Variants in MYH9 observed in about 807,000 individuals in gnomAD.
The protein encoded by MYH9 is myosin heavy chain 9.
Under a neutral mutation model 241.9 loss-of-function variants are expected in MYH9, and 29 were observed. The observed-to-expected ratio is 0.12, with a 90% confidence interval of 0.09 to 0.16. MYH9 has a LOEUF of 0.16. MYH9 is among the 10% of genes least tolerant of loss of function. MYH9 has a pLI of 1.00. For missense variants in MYH9, 1,803 were observed against 2,595.5 expected, an observed-to-expected ratio of 0.69 and a Z score of 6.63; for synonymous variants, 1,047 against 1,062.6, an observed-to-expected ratio of 0.99 and a Z score of 0.29.
intron 1 of MYH9, among the ~76,000 whole-genome samples, chr22:36,383,739 C>T (rs1328991959): frequency 6.6e-6 from 1 of 151,134 alleles, no homozygotes; most frequent in East Asian, 1.9e-4. Context: ...GGGTAGATCA[C>T]CTGAGGTCAG....
chr22:36,378,652 C>T (rs975997851), intron 1 of MYH9, among the ~76,000 whole-genome samples: 3 of 152,092 alleles, frequency 2.0e-5, no homozygotes, highest in Non-Finnish European at 4.4e-5. Context: ...CAAGTGGTCA[C>T]GTCCAGCTGG....
At chr22:36,351,267 G>A (rs920960934) in intron 1 of MYH9, among the ~76,000 whole-genome samples, 3 of 152,176 alleles carry the variant, frequency 2.0e-5, no homozygotes, top group Admixed American at 2.0e-4. Context: ...TTCCCCGGCC[G>A]GTGGCTCTGT....
chr22:36,332,488 T>A (rs573808070), intron 3 of MYH9, among the ~76,000 whole-genome samples: 4 of 151,816 alleles, frequency 2.6e-5, no homozygotes, highest in African/African-American at 9.7e-5. Flanking sequence ...CCAAGGGACA[T>A]GCCTGCTCAG....
At chr22:36,336,797 A>G (rs2017507016) in intron 3 of MYH9, among the ~76,000 whole-genome samples, 1 of 152,254 alleles carries the variant, frequency 6.6e-6, no homozygotes, top group Admixed American at 6.5e-5. Flanking sequence ...GTGCTGGCGC[A>G]GGTGTAGGCA....
At chr22:36,334,611 T>C (rs896078812) in intron 3 of MYH9, among the ~76,000 whole-genome samples, 12 of 152,150 alleles carry the variant, frequency 7.9e-5, no homozygotes, top group African/African-American at 2.9e-4. Flanking sequence ...GAGATTCAAA[T>C]GGCTGCCTGG....
chr22:36,282,339 G>C lies in MYH9; in HGVS notation c.*329C>G. 2.1e-6 allele frequency: 1 copy of C among 480,876 alleles called. No homozygotes were observed. Among genetic ancestry groups the C allele is most frequent in the Non-Finnish European group, 3.8e-6 (1 of 265,296 alleles). The allele number at this position is 480,876 out of a possible 1,614,324, so 29.8% of individuals were successfully genotyped here. A position where few individuals can be genotyped will look rare whatever the true frequency, so the allele number is the denominator to read the frequency against. Reference sequence around the variant, plus strand: ...TCATAGAAAACTCTGGCCCCTCCCCGGGGGCCTGCCCTGCTCGCCTCAACA... The same window carrying C: ...TCATAGAAAACTCTGGCCCCTCCCCCGGGGCCTGCCCTGCTCGCCTCAACA... On this transcript the variant is annotated 3_prime_UTR_variant, in exon 41 of 41. Transcript: ENST00000216181.
At position 36,284,441 on chromosome 22, in the gene MYH9, C is replaced by T. The variant is rs2016545150; in HGVS notation, c.5554G>A (p.Asp1852Asn). ...TGCTCGGCGTTCCTCCGCTCGTCAT[C>T]CACCTGCAGCAGCACATCCTTCAGC... ...KKLKDVLLQV[D>N]DERRNAEQYK... Residue 1852 changes from aspartate (D) to asparagine (N), a missense_variant, in exon 39 of 41, where the codon GAT becomes AAT. By Grantham distance (23) the Asp-to-Asn change is conservative. Transcript: ENST00000216181. 1.2e-6 allele frequency: 2 copies of T among 1,613,370 alleles called. No individual in the cohort carries two copies. The highest frequency in any genetic ancestry group is 1.7e-5 in the Admixed American group (1 of 60,016).
rs762338005 is a variant in MYH9, at chr22:36,312,139, C to T, written c.1638G>A (p.Val546=). 1.2e-6 allele frequency: 2 copies of T among 1,614,080 alleles called. No homozygotes were observed. Among genetic ancestry groups the T allele is most frequent in the Non-Finnish European group, 1.7e-6 (2 of 1,180,036 alleles). The change falls in exon 14 of 41, where the codon GTG becomes GTA. Residue 546 remains valine, a synonymous_variant. Transcript: ENST00000216181. The stretch of plus-strand genomic sequence containing the variant: ...TGGGGTGGGTGCCCTGCTCCTGCAT[C>T]ACCTTCTCCACGAAGCTCTTGTCGG... ...KATDKSFVEK[V]MQEQGTHPKF...
At chr22:36,339,160 G>C (rs1427317116) in intron 3 of MYH9, among the ~76,000 whole-genome samples, 1 of 152,210 alleles carries the variant, frequency 6.6e-6, no homozygotes, top group African/African-American at 2.4e-5. Context: ...CTGAAGTCCA[G>C]ATCTGAAGAC....
chr22:36,291,238 G>T (rs1281368115), intron 31 of MYH9, among the ~76,000 whole-genome samples: 1 of 152,202 alleles, frequency 6.6e-6, no homozygotes, highest in East Asian at 1.9e-4. Context: ...GGAATAGAAA[G>T]GGGGGAAAGG....
intron 1 of MYH9, among the ~76,000 whole-genome samples, chr22:36,349,947 A>T (rs886869729): frequency 1.3e-5 from 2 of 152,244 alleles, no homozygotes; most frequent in African/African-American, 4.8e-5. Flanking sequence ...AACTGACTAC[A>T]ACCCCACATA....
At chr22:36,282,816 C>G in intron 40 of MYH9, 31 bp from the exon 41 acceptor site, 2 of 1,582,204 alleles carry the variant, frequency 1.3e-6, no homozygotes, top group Admixed American at 3.5e-5. Context: ...AGAGGGTCAG[C>G]GGGCCCGGCC....
chr22:36,332,686 A>C (rs1281179328), intron 3 of MYH9, among the ~76,000 whole-genome samples: 3 of 151,198 alleles, frequency 2.0e-5, no homozygotes, highest in African/African-American at 7.3e-5. Context: ...AAAAAAAAAA[A>C]AAAACCTCAA....
chr22:36,315,641 G>A (rs1449518519), intron 12 of MYH9, among the ~76,000 whole-genome samples: 1 of 151,986 alleles, frequency 6.6e-6, no homozygotes, highest in African/African-American at 2.4e-5. Flanking sequence ...CCAGCTACTC[G>A]GGAAGCTGAG....
intron 1 of MYH9, among the ~76,000 whole-genome samples, chr22:36,353,747 C>T (rs1373856134): frequency 1.4e-5 from 2 of 142,132 alleles, no homozygotes; most frequent in African/African-American, 2.6e-5. Context: ...CGCCTCTCCC[C>T]GCCTTGCAAA....
chr22:36,323,123 T>C (rs559554054), intron 5 of MYH9, among the ~76,000 whole-genome samples: 12 of 152,314 alleles, frequency 7.9e-5, no homozygotes, highest in African/African-American at 2.6e-4. Context: ...TTACTGAGAA[T>C]GTCAATAAAT....
chr22:36,315,066 G>A (rs577370623), intron 12 of MYH9, among the ~76,000 whole-genome samples: 60 of 152,250 alleles, frequency 3.9e-4, no homozygotes, highest in Admixed American at 3.9e-3. Context: ...TTACAGGAGT[G>A]AGCCACCGCA....
At chr22:36,347,239 C>A (rs75765674) in intron 2 of MYH9, among the ~76,000 whole-genome samples, 4 of 152,058 alleles carry the variant, frequency 2.6e-5, no homozygotes, top group Admixed American at 6.5e-5. Context: ...AAGAAAATGA[C>A]GCCCCTGATC....
At chr22:36,317,950 C>A (rs2017185182) in intron 11 of MYH9, among the ~76,000 whole-genome samples, 1 of 152,244 alleles carries the variant, frequency 6.6e-6, no homozygotes, top group African/African-American at 2.4e-5. Flanking sequence ...AAAATACCAT[C>A]TCAATGTAAA....
Sources: allele counts gnomAD v4.1 joint callset (sites outside exome capture counted in the v4.1 genomes callset), GRCh38; gene constraint gnomAD v4.1.1; transcripts MANE v1.5; gene names NCBI Gene and HGNC (gene_info 2026-07-23, HGNC 2026-07-21).